The following MAK variants were observed in gnomAD, a reference collection of about 807,000 sequenced individuals.
MAK encodes serine/threonine-protein kinase MAK.
MAK carries 65 observed loss-of-function variants against 82.6 expected under a neutral mutation model. The observed-to-expected ratio is 0.79, with a 90% CI of 0.64 to 0.97. The LOEUF is 0.97. Among genes scored for constraint, MAK ranks in the 50% least tolerant of loss-of-function variants. MAK has a pLI of 0.00. For missense variants in MAK, 703 were observed against 780.2 expected (o/e 0.90, Z 1.18); for synonymous variants, 250 against 274.2 (o/e 0.91, Z 0.87).
rs1001854772 is a variant in MAK, at chr6:10,793,106, A to G, written c.1144-1259T>C. 6.6e-6 allele frequency among the ~76,000 whole-genome samples: 1 copy of G among 152,220 alleles called. No individual in the cohort carries two copies. Among genetic ancestry groups the G allele is most frequent in the Non-Finnish European group, 1.5e-5 (1 of 68,046 alleles). On this transcript the variant is annotated intron_variant, in intron 9 of 14. Coordinates refer to ENST00000354489, the MANE Select transcript of MAK (RefSeq NM_001242957.3). This position sits in a 1 kb window ranked among gnomAD's most constrained non-coding sequence, Gnocchi z 4.6. ...CAAACTCCACATCAGTAAGTTTGGTAGAGGATGAGGGCAAAGATTCTAAAA... is the reference window on the plus strand; with the variant it reads ...CAAACTCCACATCAGTAAGTTTGGTGGAGGATGAGGGCAAAGATTCTAAAA...
chr6:10,764,690 TG>T, intron 14 of MAK, 84 bp from the exon 15 acceptor site: 1 of 1,269,090 alleles, frequency 7.9e-7, no homozygotes, highest in South Asian at 1.2e-5. Flanking sequence ...TCTCATTTGA[TG>T]GGGAAAATCT....
chr6:10,798,799 A>ATTATTTAT (rs59455975), intron 8 of MAK, among the ~76,000 whole-genome samples: 207 of 145,014 alleles, frequency 1.4e-3, no homozygotes, highest in East Asian at 9.8e-3. Flanking sequence ...GTTTAGAAAC[A>ATTATTTAT]TTATTTATTT....
chr6:10,771,181 A>G (rs1174693182), intron 13 of MAK, among the ~76,000 whole-genome samples: 1 of 152,118 alleles, frequency 6.6e-6, no homozygotes, highest in East Asian at 1.9e-4. Context: ...GAGCCAGCTC[A>G]GAGGCACTGC....
rs1772110936 is a variant in MAK at position 10,763,362 on chromosome 6, C to A, written c.*1090G>T. 1 of 152,062 alleles carries A rather than the reference C, an allele frequency of 6.6e-6. No individual in the cohort carries two copies. Among genetic ancestry groups the A allele is most frequent in the African/African-American group, 2.4e-5 (1 of 41,416 alleles). 9.4% of individuals were successfully genotyped at this position (152,062 alleles called of 1,614,324 possible). On this transcript the variant is annotated 3_prime_UTR_variant, in exon 15 of 15. Coordinates refer to ENST00000354489, the MANE Select transcript of MAK (RefSeq NM_001242957.3). ...CATCAAACAAACACAGTTTCCAGAA[C>A]TTTCTTAATGATGTCCAGCCAAGAG...
At chr6:10,806,004 G>A (rs976429295) in intron 6 of MAK, among the ~76,000 whole-genome samples, 5 of 152,060 alleles carry the variant, frequency 3.3e-5, no homozygotes, top group Admixed American at 6.6e-5. Context: ...TAACCAGGGC[G>A]GATCCCTCAT....
At chr6:10,798,314 C>T (rs961835172) in intron 8 of MAK, among the ~76,000 whole-genome samples, 2 of 151,874 alleles carry the variant, frequency 1.3e-5, no homozygotes, top group African/African-American at 4.8e-5. Context: ...AGGGTTTCAC[C>T]ATGTTGGTCA....
chr6:10,835,470 G>A (rs946351364), intron 1 of MAK, among the ~76,000 whole-genome samples: 1 of 152,196 alleles, frequency 6.6e-6, no homozygotes, highest in East Asian at 1.9e-4. Flanking sequence ...ACGTTGGCCA[G>A]GCTGGTCTTG....
At chr6:10,822,397 T>G (rs1365774626) in intron 2 of MAK, among the ~76,000 whole-genome samples, 2 of 150,936 alleles carry the variant, frequency 1.3e-5, no homozygotes, top group African/African-American at 4.9e-5. Flanking sequence ...GAAGTTGCAG[T>G]GAGCCGAGAT....
At chr6:10,782,890 T>G (rs1021899015) in intron 11 of MAK, among the ~76,000 whole-genome samples, 6 of 152,192 alleles carry the variant, frequency 3.9e-5, no homozygotes, top group African/African-American at 1.4e-4. Context: ...AGCTGGATTC[T>G]TAGAACTGAA....
intron 4 of MAK, among the ~76,000 whole-genome samples, chr6:10,815,371 C>G (rs1777388043): frequency 6.6e-6 from 1 of 151,812 alleles, no homozygotes; most frequent in Admixed American, 6.6e-5. Context: ...CCCTGTAATC[C>G]CAGCACTCTG....
intron 6 of MAK, among the ~76,000 whole-genome samples, chr6:10,805,459 C>A (rs888708532): frequency 6.6e-6 from 1 of 151,220 alleles, no homozygotes; most frequent in Non-Finnish European, 1.5e-5. Flanking sequence ...TAGTGGTGGG[C>A]GTCTGTAAGC....
chr6:10,778,407 G>A (rs1773646398), intron 11 of MAK, among the ~76,000 whole-genome samples: 1 of 152,158 alleles, frequency 6.6e-6, no homozygotes, highest in South Asian at 2.1e-4. Flanking sequence ...TGTGAATCAT[G>A]ATTAACCCTC....
Position 10,806,505 on chromosome 6 carries a change from ATTTTTTTTTT to A in MAK, c.491+2295_491+2304del, listed in dbSNP as rs70991049. On this transcript the variant is annotated intron_variant, in intron 6 of 14. Coordinates refer to ENST00000354489, the MANE Select transcript of MAK (RefSeq NM_001242957.3). ...AGGTGCCCGCCACCACACCCGTCTA[ATTTTTTTTTT>A]TTTTTTTTTTTTTTTGTATATTTAG... is the stretch of plus-strand genomic sequence containing the variant. 2.5e-4 allele frequency among the ~76,000 whole-genome samples: 29 copies of A among 117,126 alleles called. No homozygotes were observed. In the South Asian group the frequency reaches 3.8e-3, roughly 15 times the overall value. 76.8% of individuals were successfully genotyped at this position (117,126 alleles called of 152,430 possible).
chr6:10,794,658 A>G lies in MAK; in HGVS notation c.1143+1340T>C, dbSNP rs556605965. ...ACTGAAGAGCTCCTGGAGCTGAACA[A>G]AAGATGGAAGAAAAAGTTTTATACT... On this transcript the variant is annotated intron_variant, in intron 9 of 14. Transcript: ENST00000354489. Among the ~76,000 whole-genome samples the G allele has an allele frequency of 2.6e-5, 4 of 152,306 alleles. No individual in the cohort carries two copies. In the South Asian group the frequency reaches 6.2e-4, roughly 24 times the overall value.
chr6:10,820,625 ACATCACTGAGATGACCTCAAGGG>A (rs1777876122), intron 2 of MAK, among the ~76,000 whole-genome samples: 1 of 152,240 alleles, frequency 6.6e-6, no homozygotes, highest in African/African-American at 2.4e-5. Flanking sequence ...GAAATAAAGG[ACATCACTGAGATGACCTCAAGGG>A]CATCACTGCT....
intron 10 of MAK, among the ~76,000 whole-genome samples, chr6:10,785,664 A>G (rs1774476339): frequency 6.6e-6 from 1 of 152,194 alleles, no homozygotes; most frequent in South Asian, 2.1e-4. Flanking sequence ...ACTAACTGAA[A>G]TTCTACCCAT....
Position 10,824,668 on chromosome 6 carries a change from C to T in MAK, c.102-5728G>A, listed in dbSNP as rs139394485. ...CTCCCAGCGGCTCCACTTTCACATTCGTCCATGTAATTTCAGGCGGACTCT... is the reference window on the plus strand; with the variant it reads ...CTCCCAGCGGCTCCACTTTCACATTTGTCCATGTAATTTCAGGCGGACTCT... On this transcript the variant is annotated intron_variant, in intron 2 of 14. Transcript: ENST00000354489. Among the ~76,000 whole-genome samples the T allele has an allele frequency of 2.6e-5, 4 of 152,286 alleles. No individual in the cohort carries two copies. In the East Asian group the frequency reaches 7.7e-4, roughly 29 times the overall value.
intron 8 of MAK, among the ~76,000 whole-genome samples, chr6:10,801,417 A>G (rs537340787): frequency 1.4e-4 from 22 of 152,356 alleles, no homozygotes; most frequent in African/African-American, 5.3e-4. Context: ...GGGTGCCACA[A>G]TGCTGCCCTC....
chr6:10,791,276 CTT>C (rs1177810448), intron 10 of MAK, among the ~76,000 whole-genome samples: 1 of 151,300 alleles, frequency 6.6e-6, no homozygotes, highest in Non-Finnish European at 1.5e-5. Context: ...TTCTTTTTTT[CTT>C]TTTTTTGAGA....
Sources: allele counts gnomAD v4.1 joint callset (sites outside exome capture counted in the v4.1 genomes callset), GRCh38; gene constraint gnomAD v4.1.1; non-coding constraint Gnocchi (gnomAD v3.1); transcripts MANE v1.5; gene names NCBI Gene and HGNC (gene_info 2026-07-23, HGNC 2026-07-21).